Variants in OPRL1 observed in about 807,000 individuals in gnomAD.
OPRL1 encodes the protein nociceptin receptor.
A neutral mutation model predicts 15.5 loss-of-function variants in OPRL1; 5 were observed. That is an observed-to-expected ratio of 0.32 (90% CI 0.17 to 0.68). OPRL1 has a LOEUF of 0.68. Ranked by LOEUF, OPRL1 falls within the 30% of genes least tolerant of loss-of-function variation. The pLI is 0.72. For missense variants in OPRL1, 406 were observed against 515.3 expected (o/e 0.79, Z 2.05); for synonymous variants, 223 against 230.2 (o/e 0.97, Z 0.28).
At position 64,098,297 on chromosome 20, in the gene OPRL1, T is replaced by A; in HGVS notation, c.611T>A (p.Ile204Asn). 1.2e-6 allele frequency: 2 copies of A among 1,613,830 alleles called. No individual in the cohort carries two copies. The highest frequency in any genetic ancestry group is 8.5e-7 in the Non-Finnish European group (1 of 1,179,942). ...GCAGAGATCGAGTGCCTGGTGGAGA[T>A]CCCTACCCCTCAGGATTACTGGGGC... ...EDEEIECLVE[I>N]PTPQDYWGPV... Residue 204 changes from isoleucine (I) to asparagine (N), a missense_variant, in exon 5 of 5, where the codon ATC becomes AAC. Physicochemically the swap from Ile to Asn is moderately radical, Grantham distance 149. Coordinates refer to ENST00000336866, the MANE Select transcript of OPRL1 (RefSeq NM_182647.4).
intron 2 of OPRL1, 45 bp from the exon 3 acceptor site, chr20:64,092,643 C>T (rs763614768): frequency 3.3e-5 from 48 of 1,464,442 alleles, no homozygotes; most frequent in Non-Finnish European, 4.5e-5. Context: ...CTCCGCTGGG[C>T]GTGTGTCTGG....
rs888016434 is a variant in OPRL1, at chr20:64,090,371, C to T, written c.-184-1595C>T. ...TGCAGGGAGAAATCCTGGGGGACAG[C>T]GAGGGATGCTGGGTCCTGGGGCATC... On this transcript the variant is annotated intron_variant, in intron 1 of 4. Transcript: ENST00000336866. The surrounding 1 kb of genome is among the most constrained non-coding windows in gnomAD (Gnocchi z 4.9). Among the ~76,000 whole-genome samples, 1 of 152,174 alleles carries T rather than the reference C, an allele frequency of 6.6e-6. No homozygotes were observed. Among genetic ancestry groups the T allele is most frequent in the African/African-American group, 2.4e-5 (1 of 41,442 alleles).
chr20:64,096,891 C>G (rs1292377381), intron 3 of OPRL1, among the ~76,000 whole-genome samples: 1 of 151,468 alleles, frequency 6.6e-6, no homozygotes, highest in Admixed American at 6.6e-5. Context: ...TTACCATCAT[C>G]ATCACGACCA....
chr20:64,096,238 G>A (rs187450696), intron 3 of OPRL1, among the ~76,000 whole-genome samples: 1 of 152,238 alleles, frequency 6.6e-6, no homozygotes. Context: ...GTCCTCTGCT[G>A]GCCAGAGTCC....
chr20:64,095,296 G>C (rs1266947248), intron 3 of OPRL1, among the ~76,000 whole-genome samples: 1 of 93,390 alleles, frequency 1.1e-5, no homozygotes, highest in Non-Finnish European at 2.2e-5. Context: ...ATAGTGGGGG[G>C]ATAGTGTGGG....
rs1366297470 is a variant in OPRL1 at position 64,097,918 on chromosome 20, C to T, written c.350C>T (p.Pro117Leu). The change falls in exon 4 of 5, where the codon CCG becomes CTG. Residue 117 changes from proline to leucine, a missense_variant. Pro to Leu is a moderately conservative substitution (Grantham distance 98). Transcript: ENST00000336866. This position sits in a 1 kb window ranked among gnomAD's most constrained non-coding sequence, Gnocchi z 4.2. ...QGTDILLGFWPFGNALCKTVI... is the reference protein window; with the variant it reads ...QGTDILLGFWLFGNALCKTVI... ...ACGGACATCCTCCTGGGCTTCTGGC[C>T]GTTTGGGAATGCGCTGTGCAAGACA... 8.7e-6 allele frequency: 14 copies of T among 1,613,566 alleles called. No homozygotes were observed. The highest frequency in any genetic ancestry group is 3.3e-5 in the South Asian group (3 of 91,090).
chr20:64,082,630 G>A (rs1601623251), intron 1 of OPRL1, among the ~76,000 whole-genome samples: 1 of 152,354 alleles, frequency 6.6e-6, no homozygotes, highest in Non-Finnish European at 1.5e-5. Context: ...GGAAAAGGAA[G>A]CGGGGGCCTA....
At chr20:64,081,289 A>G (rs1352686083) in intron 1 of OPRL1, among the ~76,000 whole-genome samples, 1 of 152,320 alleles carries the variant, frequency 6.6e-6, no homozygotes, top group South Asian at 2.1e-4. Context: ...GCAGGCTGCT[A>G]CTTATTCAGC....
Position 64,098,957 on chromosome 20 carries a change from G to T in OPRL1, c.*158G>T. 1 of 1,028,960 alleles carries T rather than the reference G, an allele frequency of 9.7e-7. No individual in the cohort carries two copies. The highest frequency in any genetic ancestry group is 1.4e-6 in the Non-Finnish European group (1 of 728,836). The allele number at this position is 1,028,960 out of a possible 1,614,324, so 63.7% of individuals were successfully genotyped here. ...TTTCCCTGTGGGCCAGGGATGCTCG[G>T]TCCCAGAGGAGGACCTAGTGACATC... On this transcript the variant is annotated 3_prime_UTR_variant, in exon 5 of 5. Coordinates refer to ENST00000336866, the MANE Select transcript of OPRL1 (RefSeq NM_182647.4).
chr20:64,082,836 G>T (rs1307255302), intron 1 of OPRL1, among the ~76,000 whole-genome samples: 2 of 151,154 alleles, frequency 1.3e-5, no homozygotes, highest in Non-Finnish European at 3.0e-5. Context: ...TGGGTGTGGG[G>T]GTGTGGCATG....
intron 3 of OPRL1, among the ~76,000 whole-genome samples, chr20:64,096,878 T>TCAC (rs1979205937): frequency 1.2e-5 from 1 of 86,584 alleles, no homozygotes; most frequent in African/African-American, 3.3e-5. Context: ...ACCACCACCA[T>TCAC]CATTACCATC....
Position 64,097,714 on chromosome 20 carries a change from G to T in OPRL1, c.234-88G>T, listed in dbSNP as rs2145625713. On this transcript the variant is annotated intron_variant, in intron 3 of 4. Transcript: ENST00000336866. The surrounding 1 kb of genome is among the most constrained non-coding windows in gnomAD (Gnocchi z 4.2). ...AAGGGACTCAGGGCCACTGTAGCTT[G>T]TGGTGGCCAAGAGGAGCCCCTTGCC... The T allele has an allele frequency of 2.6e-6, 3 of 1,146,382 alleles. No homozygotes were observed. In the African/African-American group the frequency reaches 4.6e-5, roughly 18 times the overall value. 71.0% of individuals were successfully genotyped at this position (1,146,382 alleles called of 1,614,324 possible). A position where few individuals can be genotyped will look rare whatever the true frequency, so the allele number is the denominator to read the frequency against.
intron 3 of OPRL1, among the ~76,000 whole-genome samples, chr20:64,095,656 G>A (rs1979035045): frequency 1.3e-5 from 2 of 151,854 alleles, no homozygotes; most frequent in Non-Finnish European, 2.9e-5. Flanking sequence ...GCTGGAATGA[G>A]GTTTCTTATT....
In OPRL1 at chr20:64,095,603, G is replaced by A. The variant is rs540695101; in HGVS notation, c.234-2199G>A. Among the ~76,000 whole-genome samples, 46 of 151,850 alleles carry A rather than the reference G, an allele frequency of 3.0e-4. No homozygotes were observed. The Middle Eastern group carries it at 0.014, about 45-fold the overall frequency. Reference sequence around the variant, plus strand: ...TTGGGGGAACTCTGTTCTTCAGGCAGTGGGGGGTTATGGGTGGTGCTTTAG... The same window carrying A: ...TTGGGGGAACTCTGTTCTTCAGGCAATGGGGGGTTATGGGTGGTGCTTTAG... On this transcript the variant is annotated intron_variant, in intron 3 of 4. Transcript: ENST00000336866.
At chr20:64,092,980 T>C (rs1221353904) in intron 3 of OPRL1, 27 bp downstream of exon 3, 1 of 1,599,166 alleles carries the variant, frequency 6.3e-7, no homozygotes, top group Admixed American at 1.7e-5. Flanking sequence ...GGTTCCTGTC[T>C]GGTGAGTCCC....
rs773032071 is a variant in OPRL1 at position 64,083,597 on chromosome 20, G to A, written c.-185+3245G>A. 10 of 1,490,422 alleles carry A rather than the reference G, an allele frequency of 6.7e-6. No individual in the cohort carries two copies. In the Admixed American group the frequency reaches 1.2e-4, roughly 18 times the overall value. 92.3% of individuals were successfully genotyped at this position (1,490,422 alleles called of 1,614,324 possible). ...CTTGTCTGCACCTCTTGGCGGTCCA[G>A]GGGGTCCGGGATCCGCGCGGGCTTC... On this transcript the variant is annotated intron_variant, in intron 1 of 4. Transcript: ENST00000336866. This position sits in a 1 kb window ranked among gnomAD's most constrained non-coding sequence, Gnocchi z 4.9.
chr20:64,086,233 TG>T (rs1265619099), intron 1 of OPRL1, among the ~76,000 whole-genome samples: 2 of 152,172 alleles, frequency 1.3e-5, no homozygotes, highest in South Asian at 4.1e-4. Flanking sequence ...TTGGCGTTTG[TG>T]GGGGAGTCAC....
At chr20:64,087,806 C>T (rs575178407) in intron 1 of OPRL1, among the ~76,000 whole-genome samples, 2 of 152,378 alleles carry the variant, frequency 1.3e-5, no homozygotes, top group South Asian at 4.1e-4. Flanking sequence ...GACCCTGATT[C>T]TACCTTCCCC....
intron 1 of OPRL1, chr20:64,084,080 G>T (rs1317317332): frequency 5.4e-6 from 8 of 1,492,630 alleles, no homozygotes; most frequent in South Asian, 1.3e-5. Context: ...TCCCTGCGGC[G>T]TCAGGGCCCA....
Sources: gnomAD v4.1 joint callset for allele counts (sites outside exome capture counted in the v4.1 genomes callset) on GRCh38, gnomAD v4.1.1 for gene constraint, Gnocchi (gnomAD v3.1) non-coding constraint, MANE v1.5 for transcripts, NCBI Gene and HGNC (gene_info 2026-07-23, HGNC 2026-07-21) for gene names.